The following PTPRD variants were observed in gnomAD, a reference collection of about 807,000 sequenced individuals.
PTPRD encodes receptor-type tyrosine-protein phosphatase delta.
Under a neutral mutation model 214.5 loss-of-function variants are expected in PTPRD, and 34 were observed. The observed-to-expected ratio is 0.16, with a 90% CI of 0.12 to 0.21. The LOEUF is 0.21. Among genes scored for constraint, PTPRD ranks in the 10% least tolerant of loss-of-function variants. The pLI, the probability that PTPRD is intolerant of heterozygous loss-of-function variation, is 1.00. For synonymous variants in PTPRD, 1,128 were observed against 845.7 expected, an observed-to-expected ratio of 1.33 and a Z score of -5.79; for missense variants, 2,545 against 2,398.7, an observed-to-expected ratio of 1.06 and a Z score of -1.27.
chr9:9,902,433 A>C (rs1482980425), intron 5 of PTPRD, among the ~76,000 whole-genome samples: 2 of 152,152 alleles, frequency 1.3e-5, no homozygotes, highest in Non-Finnish European at 2.9e-5. Flanking sequence ...ACTTTTGAAT[A>C]AATAATCATA....
intron 14 of PTPRD, among the ~76,000 whole-genome samples, chr9:8,601,535 C>T (rs1205287484): frequency 2.0e-5 from 3 of 152,108 alleles, no homozygotes; most frequent in Non-Finnish European, 4.4e-5. Flanking sequence ...GGCAGCTCAG[C>T]ACACAGAGAC....
At chr9:8,458,534 T>C (rs1487936232) in intron 33 of PTPRD, among the ~76,000 whole-genome samples, 5 of 152,182 alleles carry the variant, frequency 3.3e-5, no homozygotes, top group Admixed American at 1.3e-4. Flanking sequence ...AGTATGTGAC[T>C]ACCTAAATCA....
chr9:8,552,868 G>C (rs1251124973), intron 14 of PTPRD, among the ~76,000 whole-genome samples: 3 of 152,312 alleles, frequency 2.0e-5, no homozygotes, highest in South Asian at 2.1e-4. Context: ...GGGGCTGCTT[G>C]TGAGCCCCAC....
Position 8,518,047 on chromosome 9 carries a change from G to T in PTPRD, c.1344C>A (p.Ile448=). The part of the protein sequence containing the change: ...WKEPEEPNGQ[I]QGYRVYYTMD... ...TTGTATAATAAACTCTATATCCTTG[G>T]ATCTGTCCATTTGGCTCTTCAGGTT... The change falls in exon 21 of 46, where the codon ATC becomes ATA. Residue 448 remains isoleucine (I), a synonymous_variant. Coordinates refer to ENST00000381196, the MANE Select transcript of PTPRD (RefSeq NM_002839.4). The T allele has an allele frequency of 6.2e-7, 1 of 1,614,156 alleles. No individual in the cohort carries two copies. The highest frequency in any genetic ancestry group is 2.2e-5 in the East Asian group (1 of 44,882).
intron 15 of PTPRD, among the ~76,000 whole-genome samples, chr9:8,527,892 G>A (rs959944952): frequency 1.2e-4 from 19 of 152,056 alleles, no homozygotes; most frequent in African/African-American, 2.7e-4. Context: ...CTTGACGGGC[G>A]CACACTACTG....
intron 29 of PTPRD, among the ~76,000 whole-genome samples, chr9:8,484,909 A>G (rs997887465): frequency 1.3e-5 from 2 of 152,266 alleles, no homozygotes; most frequent in Non-Finnish European, 2.9e-5. Flanking sequence ...TTATAATATA[A>G]ATAGGTAGAA....
rs73641290 is a variant in PTPRD at position 9,280,560 on chromosome 9, T to C, written c.-202-97197A>G. Among the ~76,000 whole-genome samples, 322 of 151,320 alleles carry C rather than the reference T, an allele frequency of 2.1e-3. 3 individuals carry two copies. The highest frequency in any genetic ancestry group is 7.5e-3 in the African/African-American group (309 of 41,464). ...CACACAAAAATGGAATAGTTAAGCA[T>C]AAATCTAACAAAATATGTATAAGAT... On this transcript the variant is annotated intron_variant, in intron 9 of 45. Transcript: ENST00000381196.
intron 2 of PTPRD, among the ~76,000 whole-genome samples, chr9:10,410,760 A>T (rs2098425905): frequency 6.6e-6 from 1 of 151,822 alleles, no homozygotes; most frequent in South Asian, 2.1e-4. Flanking sequence ...TAGATATAAA[A>T]GTAAAGAAGT....
intron 4 of PTPRD, among the ~76,000 whole-genome samples, chr9:9,938,859 T>C (rs566169315): frequency 7.2e-4 from 110 of 152,270 alleles, no homozygotes; most frequent in African/African-American, 2.4e-3. Context: ...ATTTATTACT[T>C]GAGCACAATC....
intron 7 of PTPRD, among the ~76,000 whole-genome samples, chr9:9,718,448 G>T (rs2097872932): frequency 6.6e-6 from 1 of 152,162 alleles, no homozygotes; most frequent in Non-Finnish European, 1.5e-5. Flanking sequence ...GGGAACAGGT[G>T]ATCCCAGTGG....
intron 8 of PTPRD, among the ~76,000 whole-genome samples, chr9:9,398,459 T>C (rs10511525): frequency 0.25 from 38,662 of 151,862 alleles, 5,061 homozygotes; most frequent in Middle Eastern, 0.31. Flanking sequence ...ATTTAGTGTA[T>C]AGATAGCATA....
At chr9:9,869,781 T>C (rs2064958251) in intron 5 of PTPRD, among the ~76,000 whole-genome samples, 1 of 151,162 alleles carries the variant, frequency 6.6e-6, no homozygotes, top group African/African-American at 2.4e-5. Flanking sequence ...TAAACTGCAT[T>C]AAAAAAAATA....
At chr9:9,141,756 T>G (rs190711790) in intron 10 of PTPRD, among the ~76,000 whole-genome samples, 1 of 150,884 alleles carries the variant, frequency 6.6e-6, no homozygotes, top group Admixed American at 6.6e-5. Context: ...TATTATCTCA[T>G]GCATATTAAT....
intron 7 of PTPRD, among the ~76,000 whole-genome samples, chr9:9,605,706 A>G (rs1395167876): frequency 2.0e-5 from 3 of 152,202 alleles, no homozygotes; most frequent in South Asian, 4.1e-4. Flanking sequence ...AGTGAGGCCA[A>G]TAATACAAGG....
At chr9:10,554,731 G>C (rs1191199161) in intron 2 of PTPRD, among the ~76,000 whole-genome samples, 2 of 151,992 alleles carry the variant, frequency 1.3e-5, no homozygotes, top group African/African-American at 4.8e-5. Flanking sequence ...CACCATCTTG[G>C]CTCCCTGCAA....
At position 8,733,927 on chromosome 9, in the gene PTPRD, A is replaced by C; in HGVS notation, c.-84T>G. 1 of 1,372,628 alleles carries C rather than the reference A, an allele frequency of 7.3e-7. No individual in the cohort carries two copies. The highest frequency in any genetic ancestry group is 1.0e-6 in the Non-Finnish European group (1 of 993,618). The allele number at this position is 1,372,628 out of a possible 1,614,324, so 85.0% of individuals were successfully genotyped here. ...GCGAGTCTGTCCGATCTGAAATTTC[A>C]GCTGGAACACTTTCAGAGCCTGAAA... On this transcript the variant is annotated 5_prime_UTR_variant, in exon 12 of 46. Coordinates refer to ENST00000381196, the MANE Select transcript of PTPRD (RefSeq NM_002839.4).
chr9:9,408,173 C>T (rs1457324379), intron 8 of PTPRD, among the ~76,000 whole-genome samples: 1 of 151,764 alleles, frequency 6.6e-6, no homozygotes, highest in Non-Finnish European at 1.5e-5. Context: ...ATGCTTCTCA[C>T]AACTTTGTTT....
At position 9,805,456 on chromosome 9, in the gene PTPRD, C is replaced by G. The variant is rs188857465; in HGVS notation, c.-367-38605G>C. Among the ~76,000 whole-genome samples, 52 of 152,232 alleles carry G rather than the reference C, an allele frequency of 3.4e-4. 1 individual carries two copies. The East Asian group carries it at 9.4e-3, about 28-fold the overall frequency. On this transcript the variant is annotated intron_variant, in intron 5 of 45. Transcript: ENST00000381196. ...TGACTTCACAGGTTTATTCCTAGAT[C>G]AACTCTGTACCAGCTCAGTTAAGTG...
At chr9:9,134,632 C>T (rs1163805803) in intron 10 of PTPRD, among the ~76,000 whole-genome samples, 4 of 152,162 alleles carry the variant, frequency 2.6e-5, no homozygotes, top group African/African-American at 9.7e-5. Flanking sequence ...CCACAAGGCC[C>T]AGTGGAGACT....
Sources: gnomAD v4.1 joint callset for allele counts (sites outside exome capture counted in the v4.1 genomes callset) on GRCh38, gnomAD v4.1.1 for gene constraint, MANE v1.5 for transcripts, NCBI Gene and HGNC (gene_info 2026-07-23, HGNC 2026-07-21) for gene names.